Variants in ABR observed in about 807,000 individuals in gnomAD.
The protein encoded by ABR is active breakpoint cluster region-related protein.
In ABR, 35 loss-of-function variants were observed where a neutral mutation model predicts 107.2. The ratio of observed to expected loss-of-function variants is 0.33; its 90% CI spans 0.25 to 0.43. The LOEUF is 0.43. Among genes scored for constraint, ABR ranks in the 20% least tolerant of loss-of-function variants. The probability of loss-of-function intolerance (pLI) is 1.00; values close to 1 mark genes in which losing one functional copy is unlikely to be tolerated. For synonymous variants in ABR, 498 were observed against 462.0 expected (o/e 1.08, Z -1.00); for missense variants, 815 against 1,115.2 (o/e 0.73, Z 3.83).
At chr17:1,191,354 C>CTTTTTTTTTTT (rs761910557), upstream of ABR, among the ~76,000 whole-genome samples, 5 of 96,490 alleles carry the variant, frequency 5.2e-5, no homozygotes, top group East Asian at 2.8e-4. Flanking sequence ...TTTTTCTTTT[C>CTTTTTTTTTTT]TTTTTTTTTT....
chr17:1,225,200 A>G (rs538344280), intron 1 of ABR, among the ~76,000 whole-genome samples: 1 of 151,788 alleles, frequency 6.6e-6, no homozygotes, highest in Admixed American at 6.6e-5. Flanking sequence ...GTCTCACTGT[A>G]TCGCCCAGGC....
rs2072346858 is a variant in ABR, at chr17:1,027,928, C to A, written c.1792-14764G>T. Among the ~76,000 whole-genome samples the A allele has an allele frequency of 6.6e-6, 1 of 152,066 alleles. No homozygotes were observed. The highest frequency in any genetic ancestry group is 6.6e-5 in the Admixed American group (1 of 15,260). ...GCCCAAGACATATCTGTATCTTGTA[C>A]CCAGCACCTGTGTACCCTCGATGGC... On this transcript the variant is annotated intron_variant, in intron 16 of 22. Transcript: ENST00000302538. The surrounding 1 kb of genome is among the most constrained non-coding windows in gnomAD (Gnocchi z 4.7).
chr17:1,078,772 G>A lies in ABR; in HGVS notation c.700+558C>T. The stretch of plus-strand genomic sequence containing the variant: ...AGCCCACTCCAGCCGGCCCCCAGAG[G>A]TGGGAGGGTCCGCCACCTCCCACAG... On this transcript the variant is annotated intron_variant, in intron 6 of 22. Coordinates refer to ENST00000302538, the MANE Select transcript of ABR (RefSeq NM_021962.5). The surrounding 1 kb of genome is among the most constrained non-coding windows in gnomAD (Gnocchi z 7.5). The A allele has an allele frequency of 2.0e-6, 3 of 1,531,230 alleles. No individual in the cohort carries two copies. Among genetic ancestry groups the A allele is most frequent in the Non-Finnish European group, 2.6e-6 (3 of 1,143,192 alleles). 94.9% of individuals were successfully genotyped at this position (1,531,230 alleles called of 1,614,324 possible).
In ABR at chr17:1,220,450, T is replaced by C. The variant is rs1038404096; in HGVS notation, c.838+8343A>G. 7.2e-5 allele frequency among the ~76,000 whole-genome samples: 11 copies of C among 152,280 alleles called. No homozygotes were observed. In the South Asian group the frequency reaches 2.3e-3, roughly 32 times the overall value. On this transcript the variant is annotated intron_variant, in intron 1 of 22. Transcript: ENST00000574139. ...ATCGCTGCGGAAAGACTTGCAGATT[T>C]ACTCTGCAGCTACGCGGTGCAGAAA...
At chr17:1,219,095 T>G (rs900397302) in intron 1 of ABR, among the ~76,000 whole-genome samples, 1 of 152,080 alleles carries the variant, frequency 6.6e-6, no homozygotes, top group Non-Finnish European at 1.5e-5. Flanking sequence ...CAGGCTGGAG[T>G]GCAGTGGCGC....
intron 1 of ABR, among the ~76,000 whole-genome samples, chr17:1,222,125 C>G (rs1273248927): frequency 7.0e-6 from 1 of 143,744 alleles, no homozygotes; most frequent in Non-Finnish European, 1.5e-5. Context: ...AGTGCAGAGT[C>G]GTGATCTCGG....
intron 1 of ABR, among the ~76,000 whole-genome samples, chr17:1,161,806 C>T (rs1005791512): frequency 5.9e-5 from 9 of 152,140 alleles, no homozygotes; most frequent in African/African-American, 1.2e-4. Context: ...CCACCCGCCT[C>T]GACCTCCCAC....
chr17:1,064,192 A>G (rs576808708), intron 10 of ABR, among the ~76,000 whole-genome samples: 2 of 127,148 alleles, frequency 1.6e-5, no homozygotes, highest in African/African-American at 2.9e-5. Context: ...TCCTCTAGAC[A>G]CTGTTGTTAC....
In ABR at chr17:1,092,799, G is replaced by A. The variant is rs1455795914; in HGVS notation, c.346-949C>T. The stretch of plus-strand genomic sequence containing the variant: ...CATACAGGGAAGGTGTGGCAGGGAA[G>A]GGCAGGGTGGCCAGAGGGAGAGCAG... On this transcript the variant is annotated intron_variant, in intron 3 of 22. Transcript: ENST00000302538. The surrounding 1 kb of genome is among the most constrained non-coding windows in gnomAD (Gnocchi z 4.6). 2.6e-5 allele frequency among the ~76,000 whole-genome samples: 4 copies of A among 151,812 alleles called. No homozygotes were observed. Among genetic ancestry groups the A allele is most frequent in the Non-Finnish European group, 5.9e-5 (4 of 67,942 alleles).
At chr17:1,046,361 C>T (rs2031612865) in intron 16 of ABR, among the ~76,000 whole-genome samples, 1 of 142,228 alleles carries the variant, frequency 7.0e-6, no homozygotes. Flanking sequence ...GGGTCTTGAA[C>T]TCCCGACCTT....
rs1424815684 is a variant in ABR, at chr17:1,224,314, T to A, written c.838+4479A>T. ...TAAGCGAATTGGCAGACTAACTTAT[T>A]TACACTCTGATGTTGCTATCGTGCG... On this transcript the variant is annotated intron_variant, in intron 1 of 22. Coordinates refer to the ABR transcript ENST00000574139. Among the ~76,000 whole-genome samples, 7 of 152,236 alleles carry A rather than the reference T, an allele frequency of 4.6e-5. 1 individual carries two copies. In the East Asian group the frequency reaches 5.8e-4, roughly 13 times the overall value.
chr17:1,192,240 G>A (rs1391195990), upstream of ABR, among the ~76,000 whole-genome samples: 1 of 152,044 alleles, frequency 6.6e-6, no homozygotes, highest in Admixed American at 6.6e-5. Flanking sequence ...TCCTCCCAAA[G>A]TGCTGGGATT....
intron 21 of ABR, among the ~76,000 whole-genome samples, chr17:1,007,555 T>A (rs934413138): frequency 5.3e-5 from 8 of 152,160 alleles, no homozygotes; most frequent in African/African-American, 1.7e-4. Context: ...GAACTGATGG[T>A]GAACTGCCAG....
intron 1 of ABR, among the ~76,000 whole-genome samples, chr17:1,194,907 C>CCCGTCT (rs2042520701): frequency 9.8e-6 from 1 of 102,246 alleles, no homozygotes; most frequent in Non-Finnish European, 2.1e-5. Context: ...CCACCTCGGC[C>CCCGTCT]TCCTAAAGTG....
intron 16 of ABR, among the ~76,000 whole-genome samples, chr17:1,031,190 C>A (rs998022836): frequency 3.3e-5 from 5 of 152,172 alleles, no homozygotes; most frequent in Admixed American, 6.5e-5. Context: ...GCAGACGGTG[C>A]TGCGGTCGGC....
chr17:1,018,118 C>T (rs1432905471), intron 16 of ABR, among the ~76,000 whole-genome samples: 2 of 152,038 alleles, frequency 1.3e-5, no homozygotes, highest in Non-Finnish European at 2.9e-5. Context: ...TCCTGGCTCA[C>T]TGCAAGCTCC....
intron 1 of ABR, among the ~76,000 whole-genome samples, chr17:1,197,465 A>T (rs2042591256): frequency 6.6e-6 from 1 of 151,466 alleles, no homozygotes; most frequent in Non-Finnish European, 1.5e-5. Flanking sequence ...GAGCTCTAGG[A>T]GCCTCCTCGG....
intron 1 of ABR, among the ~76,000 whole-genome samples, chr17:1,220,546 G>A (rs1329204791): frequency 3.3e-5 from 5 of 152,142 alleles, no homozygotes; most frequent in Admixed American, 1.3e-4. Context: ...TGGTCACGGG[G>A]ATTTCTGCTT....
chr17:1,019,802 C>T (rs370452880), intron 16 of ABR, among the ~76,000 whole-genome samples: 11 of 152,378 alleles, frequency 7.2e-5, no homozygotes, highest in African/African-American at 2.4e-4. Context: ...CACCTGACTG[C>T]TCACCCTCTG....
Sources: allele counts gnomAD v4.1 joint callset (sites outside exome capture counted in the v4.1 genomes callset), GRCh38; gene constraint gnomAD v4.1.1; non-coding constraint Gnocchi (gnomAD v3.1); transcripts MANE v1.5; gene names NCBI Gene and HGNC (gene_info 2026-07-23, HGNC 2026-07-21).